Variants in PTPRH observed in about 807,000 individuals in gnomAD.
PTPRH encodes the protein protein tyrosine phosphatase receptor type H.
In PTPRH, 113 loss-of-function variants were observed where a neutral mutation model predicts 130.2. The ratio of observed to expected loss-of-function variants is 0.87; its 90% confidence interval spans 0.75 to 1.01. The LOEUF (loss-of-function observed/expected upper bound fraction) is 1.01, where lower values mean the gene tolerates loss of function less well. Ranked by LOEUF, PTPRH falls within the 50% of genes least tolerant of loss-of-function variation. The pLI is 0.00. For missense variants in PTPRH, 1,430 were observed against 1,425.0 expected, an observed-to-expected ratio of 1.00 and a Z score of -0.06; for synonymous variants, 556 against 577.9, an observed-to-expected ratio of 0.96 and a Z score of 0.54.
chr19:55,204,200 G>C (rs45540733), intron 4 of PTPRH, 152 bp from the exon 5 acceptor site: 2 of 851,804 alleles, frequency 2.3e-6, no homozygotes, highest in South Asian at 3.9e-5. Flanking sequence ...GCTCACCACA[G>C]CCTCCGCCGT....
At chr19:55,200,130 G>T in intron 7 of PTPRH, 106 bp downstream of exon 7, 2 of 1,309,190 alleles carry the variant, frequency 1.5e-6, no homozygotes, top group Non-Finnish European at 2.1e-6. Context: ...GCAGATGTCT[G>T]CAGAGCCTAC....
At position 55,197,168 on chromosome 19, in the gene PTPRH, C is replaced by A; in HGVS notation, c.1939G>T (p.Ala647Ser). 1 of 1,614,236 alleles carries A rather than the reference C, an allele frequency of 6.2e-7. No individual in the cohort carries two copies. The highest frequency in any genetic ancestry group is 1.7e-5 in the Admixed American group (1 of 60,024). Reference protein sequence around the residue: ...PGTLYNFTVWAERNDVASSTQ... With the variant: ...PGTLYNFTVWSERNDVASSTQ... Reference sequence around the variant, plus strand: ...GAACTGGCTACGTCATTCCTCTCTGCCCACACGGTGAAATTGTACAACGTC... The same window carrying A: ...GAACTGGCTACGTCATTCCTCTCTGACCACACGGTGAAATTGTACAACGTC... The change falls in exon 9 of 20, where the codon GCA becomes TCA. Residue 647 changes from alanine (A) to serine (S), a missense_variant. Coordinates refer to ENST00000376350, the MANE Select transcript of PTPRH (RefSeq NM_002842.5).
chr19:55,184,670 C>A (rs896207838), intron 18 of PTPRH, among the ~76,000 whole-genome samples: 3 of 151,720 alleles, frequency 2.0e-5, no homozygotes, highest in Admixed American at 6.6e-5. Flanking sequence ...AGCTGTAATC[C>A]CAGCTACTCG....
At chr19:55,192,763 G>A (rs1183483245) in intron 10 of PTPRH, among the ~76,000 whole-genome samples, 1 of 151,652 alleles carries the variant, frequency 6.6e-6, no homozygotes, top group Non-Finnish European at 1.5e-5. Flanking sequence ...GTGTTAGCCA[G>A]GGTGGTCCTG....
At chr19:55,200,119 GGCAGATGTCT>G in intron 7 of PTPRH, 107 bp downstream of exon 7, 1 of 1,191,598 alleles carries the variant, frequency 8.4e-7, no homozygotes. Context: ...GACTTGGAGA[GGCAGATGTCT>G]GCAGAGCCTA....
At chr19:55,184,631 A>G (rs1393956080) in intron 18 of PTPRH, among the ~76,000 whole-genome samples, 1 of 151,534 alleles carries the variant, frequency 6.6e-6, no homozygotes, top group Non-Finnish European at 1.5e-5. Flanking sequence ...TACTAAAAAT[A>G]CAAAAATTAG....
In PTPRH at chr19:55,198,786, C is replaced by T; in HGVS notation, c.1547G>A (p.Gly516Asp). ...GCTTTGGGTCCTGGGGTCAGTCATGCCTTCCCTGACCCATGAGACCCAGTA... is the reference window on the plus strand; with the variant it reads ...GCTTTGGGTCCTGGGGTCAGTCATGTCTTCCCTGACCCATGAGACCCAGTA... ...YSYWVSWVREGMTDPRTQSTS... is the reference protein window; with the variant it reads ...YSYWVSWVREDMTDPRTQSTS... Residue 516 changes from glycine to aspartate, a missense_variant, in exon 8 of 20, where the codon GGC (glycine) becomes GAC (aspartate). Coordinates refer to ENST00000376350, the MANE Select transcript of PTPRH (RefSeq NM_002842.5). 2.5e-6 allele frequency: 4 copies of T among 1,613,430 alleles called. No individual in the cohort carries two copies. The highest frequency in any genetic ancestry group is 3.4e-6 in the Non-Finnish European group (4 of 1,179,624).
chr19:55,200,283 T>C lies in PTPRH; in HGVS notation c.1373A>G (p.Glu458Gly). 1 of 1,614,228 alleles carries C rather than the reference T, an allele frequency of 6.2e-7. No homozygotes were observed. Residue 458 changes from glutamate to glycine, a missense_variant, in exon 7 of 20, where the codon GAA (glutamate) becomes GGA (glycine). Transcript: ENST00000376350. ...CCTGGAGCCACGTGCTCCATTTTTT[T>C]CTGCCCATACAGAGAATGTGTACAA... ...GTLYTFSVWA[E>G]KNGARGSRQN... is the part of the protein sequence containing the mutation.
At position 55,200,262 on chromosome 19, in the gene PTPRH, G is replaced by A. The variant is rs756077720; in HGVS notation, c.1394C>T (p.Ser465Phe). ...TGTGGAGATGCTGACATTCTGCCTG[G>A]AGCCACGTGCTCCATTTTTTTCTGC... ...VWAEKNGARG[S>F]RQNVSISTVP... Residue 465 changes from serine (S) to phenylalanine (F), a missense_variant, in exon 7 of 20, where the codon TCC becomes TTC. By Grantham distance (155) the Ser-to-Phe change is radical (BLOSUM62 -2). Coordinates refer to ENST00000376350, the MANE Select transcript of PTPRH (RefSeq NM_002842.5). 3.7e-6 allele frequency: 6 copies of A among 1,614,094 alleles called. No individual in the cohort carries two copies. In the Admixed American group the frequency reaches 5.0e-5, roughly 13 times the overall value.
Position 55,185,500 on chromosome 19 carries a change from AC to A in PTPRH, c.3062+1del. On this transcript the variant is annotated splice_donor_variant, in intron 18 of 19. Coordinates refer to ENST00000376350, the MANE Select transcript of PTPRH (RefSeq NM_002842.5). ...GGGAGAGGGTCCTGGGCTGGTCCCC[AC>A]CTGCAGTGCACAATGGGTGGGCCTC... is the stretch of plus-strand genomic sequence containing the variant. 6.2e-7 allele frequency: 1 copy of A among 1,613,892 alleles called. No individual in the cohort carries two copies. Among genetic ancestry groups the A allele is most frequent in the Non-Finnish European group, 8.5e-7 (1 of 1,179,936 alleles).
At position 55,200,956 on chromosome 19, in the gene PTPRH, A is replaced by C. The variant is rs529554750; in HGVS notation, c.1154-454T>G. Among the ~76,000 whole-genome samples, 977 of 115,300 alleles carry C rather than the reference A, an allele frequency of 8.5e-3. 16 individuals are homozygous for C. The highest frequency in any genetic ancestry group is 0.035 in the African/African-American group (866 of 24,672). The allele number at this position is 115,300 out of a possible 152,430, so 75.6% of individuals were successfully genotyped here. ...AGACTCCGTCTCAAAACAAACAAAA[A>C]AAACAAACAAAAAAAACAAAATAAA... On this transcript the variant is annotated intron_variant, in intron 6 of 19. Transcript: ENST00000376350.
In PTPRH at chr19:55,209,414, C is replaced by A; in HGVS notation, c.20G>T (p.Gly7Val). The change falls in exon 1 of 20, where the codon GGC (glycine) becomes GTC (valine). Residue 7 changes from glycine to valine, a missense_variant. Coordinates refer to ENST00000376350, the MANE Select transcript of PTPRH (RefSeq NM_002842.5). This position sits in a 1 kb window ranked among gnomAD's most constrained non-coding sequence, Gnocchi z 4.1. ...CACCAGGTTCCCCCAGACCCCGAGGCCCCCGCCAGCCCCAGCCATGCCTCC... is the reference window on the plus strand; with the variant it reads ...CACCAGGTTCCCCCAGACCCCGAGGACCCCGCCAGCCCCAGCCATGCCTCC... MAGAGG[G>V]LGVWGNLVLL... 1 of 1,558,146 alleles carries A rather than the reference C, an allele frequency of 6.4e-7. No homozygotes were observed.
intron 3 of PTPRH, among the ~76,000 whole-genome samples, chr19:55,206,125 C>T (rs2087044033): frequency 2.0e-5 from 3 of 151,498 alleles, no homozygotes; most frequent in Non-Finnish European, 2.9e-5. Context: ...CTCTGCTACT[C>T]GGGAGGCTGA....
In PTPRH at chr19:55,185,602, C is replaced by T. The variant is rs143413811; in HGVS notation, c.2962G>A (p.Gly988Ser). The T allele has an allele frequency of 3.9e-5, 63 of 1,614,082 alleles. No individual in the cohort carries two copies. The Admixed American group carries it at 5.2e-4, about 13-fold the overall frequency. Reference protein sequence around the residue: ...QFHYQAWPDHGVPSSPDTLLA... With the variant: ...QFHYQAWPDHSVPSSPDTLLA... ...AAGGTGTCTGGGGAGGAGGGAACGC[C>T]GTGATCCGGCCAGGCCTGGTAGTGG... Residue 988 changes from glycine (G) to serine (S), a missense_variant, in exon 18 of 20, where the codon GGC (glycine) becomes AGC (serine). Transcript: ENST00000376350.
intron 10 of PTPRH, among the ~76,000 whole-genome samples, chr19:55,193,061 T>A (rs2086587896): frequency 6.6e-6 from 1 of 150,696 alleles, no homozygotes; most frequent in African/African-American, 2.4e-5. Context: ...AAACCCAGTC[T>A]CTACTAAAAA....
At chr19:55,194,627 G>T (rs750869922) in intron 10 of PTPRH, among the ~76,000 whole-genome samples, 1 of 152,112 alleles carries the variant, frequency 6.6e-6, no homozygotes, top group Non-Finnish European at 1.5e-5. Flanking sequence ...TCTTTCCAAA[G>T]CTTAAGCTCC....
chr19:55,184,866 GGCCCT>G (rs1191066804), intron 18 of PTPRH, among the ~76,000 whole-genome samples: 2 of 151,982 alleles, frequency 1.3e-5, no homozygotes. Context: ...TGATGGGGGA[GGCCCT>G]GCACTCCAGC....
At chr19:55,191,375 A>T (rs988949919) in intron 12 of PTPRH, 126 bp downstream of exon 12, 1 of 1,118,740 alleles carries the variant, frequency 8.9e-7, no homozygotes, top group Non-Finnish European at 1.3e-6. Context: ...TCGCAGAGGC[A>T]TGGGCCCCTT....
chr19:55,186,516 T>G lies in PTPRH; in HGVS notation c.2591A>C (p.Lys864Thr). ...AGAGCCTGGCTCCTCATGGATGGGCTTCAGGGGCACCCGGGACCAGTCATC... is the reference window on the plus strand; with the variant it reads ...AGAGCCTGGCTCCTCATGGATGGGCGTCAGGGGCACCCGGGACCAGTCATC... ...LPYDWSRVPL[K>T]PIHEEPGSDY... The change falls in exon 15 of 20, where the codon AAG becomes ACG. Residue 864 changes from lysine to threonine, a missense_variant. Transcript: ENST00000376350. 6.9e-7 allele frequency: 1 copy of G among 1,454,458 alleles called. No individual in the cohort carries two copies. Among genetic ancestry groups the G allele is most frequent in the Non-Finnish European group, 9.0e-7 (1 of 1,110,010 alleles). The allele number at this position is 1,454,458 out of a possible 1,614,324, so 90.1% of individuals were successfully genotyped here. A position where few individuals can be genotyped will look rare whatever the true frequency, so the allele number is the denominator to read the frequency against.
Sources: gnomAD v4.1 joint callset for allele counts (sites outside exome capture counted in the v4.1 genomes callset) on GRCh38, gnomAD v4.1.1 for gene constraint, Gnocchi (gnomAD v3.1) non-coding constraint, MANE v1.5 for transcripts, NCBI Gene and HGNC (gene_info 2026-07-23, HGNC 2026-07-21) for gene names.